The following CCSER1 variants were observed in gnomAD, a reference collection of about 807,000 sequenced individuals.
CCSER1 encodes serine-rich coiled-coil domain-containing protein 1.
CCSER1 carries 41 observed loss-of-function variants against 82.0 expected under a neutral mutation model. The observed-to-expected ratio is 0.50, with a 90% CI of 0.39 to 0.65. The LOEUF (loss-of-function observed/expected upper bound fraction) is 0.65, where lower values mean the gene tolerates loss of function less well. CCSER1 is among the 30% of genes least tolerant of loss of function. The pLI, the probability that CCSER1 is intolerant of heterozygous loss-of-function variation, is 0.00. For missense variants in CCSER1, 1,119 were observed against 1,064.2 expected, an observed-to-expected ratio of 1.05 and a Z score of -0.72; for synonymous variants, 414 against 383.9, an observed-to-expected ratio of 1.08 and a Z score of -0.92.
At chr4:91,173,849 A>T (rs536112950) in intron 10 of CCSER1, among the ~76,000 whole-genome samples, 2 of 152,324 alleles carry the variant, frequency 1.3e-5, no homozygotes, top group South Asian at 4.1e-4. Context: ...GACCTATGTT[A>T]TATTCACTAT....
intron 6 of CCSER1, among the ~76,000 whole-genome samples, chr4:90,665,648 A>G (rs1731632240): frequency 6.6e-6 from 1 of 152,152 alleles, no homozygotes; most frequent in South Asian, 2.1e-4. Flanking sequence ...GGGTAAAGGA[A>G]GTATATTTCC....
chr4:91,040,688 A>G (rs1311604922), intron 9 of CCSER1, among the ~76,000 whole-genome samples: 1 of 152,140 alleles, frequency 6.6e-6, no homozygotes, highest in African/African-American at 2.4e-5. Context: ...ATAACCCAAG[A>G]TTTTCAAACA....
chr4:90,967,903 A>T (rs1734721595), intron 9 of CCSER1, among the ~76,000 whole-genome samples: 2 of 152,092 alleles, frequency 1.3e-5, no homozygotes, highest in Admixed American at 6.5e-5. Context: ...ACACACTGAA[A>T]AAAGTAAGAA....
chr4:91,057,070 C>T (rs1418337830), intron 9 of CCSER1, among the ~76,000 whole-genome samples: 1 of 152,106 alleles, frequency 6.6e-6, no homozygotes, highest in Non-Finnish European at 1.5e-5. Context: ...TCTGCACCTC[C>T]ATGATAAGAA....
chr4:91,450,656 T>C (rs577942002), intron 10 of CCSER1, among the ~76,000 whole-genome samples: 2 of 151,802 alleles, frequency 1.3e-5, no homozygotes, highest in African/African-American at 4.8e-5. Flanking sequence ...GACAGAGTAT[T>C]TGGGGAGTTA....
intron 7 of CCSER1, among the ~76,000 whole-genome samples, chr4:90,800,765 G>T (rs192939089): frequency 6.6e-6 from 1 of 152,110 alleles, no homozygotes; most frequent in Non-Finnish European, 1.5e-5. Context: ...TTTATGTTGT[G>T]TAGTAACTCA....
chr4:90,303,500 A>G (rs1049495932), intron 1 of CCSER1, among the ~76,000 whole-genome samples: 5 of 152,150 alleles, frequency 3.3e-5, no homozygotes, highest in Admixed American at 1.3e-4. Flanking sequence ...AATGCCGCAT[A>G]TCTACAACTA....
At chr4:90,363,761 T>C (rs1045065449) in intron 3 of CCSER1, among the ~76,000 whole-genome samples, 9 of 152,146 alleles carry the variant, frequency 5.9e-5, no homozygotes, top group African/African-American at 2.2e-4. Flanking sequence ...TATTTTTCAG[T>C]AATTGTATCC....
At chr4:91,381,212 A>G (rs1750863349) in intron 10 of CCSER1, among the ~76,000 whole-genome samples, 1 of 151,990 alleles carries the variant, frequency 6.6e-6, no homozygotes, top group South Asian at 2.1e-4. Flanking sequence ...GGTGAATCTG[A>G]CAATTATGTG....
chr4:91,084,122 A>C (rs1723112815), intron 9 of CCSER1, among the ~76,000 whole-genome samples: 1 of 152,036 alleles, frequency 6.6e-6, no homozygotes, highest in South Asian at 2.1e-4. Context: ...TAGTGGAGAC[A>C]GGGTTTCCCT....
chr4:91,005,712 G>A (rs1738444508), intron 9 of CCSER1, among the ~76,000 whole-genome samples: 1 of 152,180 alleles, frequency 6.6e-6, no homozygotes, highest in South Asian at 2.1e-4. Context: ...GGAAATTGGT[G>A]TGCAATGGTA....
At chr4:90,877,370 A>G (rs558074527) in intron 8 of CCSER1, among the ~76,000 whole-genome samples, 1 of 152,204 alleles carries the variant, frequency 6.6e-6, no homozygotes, top group Non-Finnish European at 1.5e-5. Context: ...CACTTTACCT[A>G]TACATGGAAA....
chr4:90,930,851 C>T (rs1013187864), intron 9 of CCSER1, among the ~76,000 whole-genome samples: 37 of 147,002 alleles, frequency 2.5e-4, no homozygotes, highest in African/African-American at 9.2e-4. Context: ...AAAAACATTG[C>T]TTTCCTTTGA....
At chr4:90,420,734 C>G (rs979891281) in intron 4 of CCSER1, among the ~76,000 whole-genome samples, 1 of 151,992 alleles carries the variant, frequency 6.6e-6, no homozygotes, top group Non-Finnish European at 1.5e-5. Flanking sequence ...TTAATGAAGT[C>G]ATAGTATTTA....
At position 90,748,126 on chromosome 4, in the gene CCSER1, G is replaced by A. The variant is rs1199436458; in HGVS notation, c.2010+24135G>A. On this transcript the variant is annotated intron_variant, in intron 7 of 10. Coordinates refer to ENST00000509176, the MANE Select transcript of CCSER1 (RefSeq NM_001145065.2). ...ATGTATACATGTGCCATGCTGGTGCGCTGCACCCACTAACTCGTCATCTAG... is the reference window on the plus strand; with the variant it reads ...ATGTATACATGTGCCATGCTGGTGCACTGCACCCACTAACTCGTCATCTAG... Among the ~76,000 whole-genome samples, 39 of 145,192 alleles carry A rather than the reference G, an allele frequency of 2.7e-4. 1 individual carries two copies. The highest frequency in any genetic ancestry group is 9.2e-4 in the African/African-American group (36 of 39,318).
intron 5 of CCSER1, among the ~76,000 whole-genome samples, chr4:90,547,091 G>A (rs1243654558): frequency 6.6e-6 from 1 of 151,954 alleles, no homozygotes; most frequent in East Asian, 1.9e-4. Context: ...AGGTCAGAAA[G>A]ATAAAACATA....
At chr4:91,557,215 G>T (rs1369913890) in intron 10 of CCSER1, among the ~76,000 whole-genome samples, 2 of 151,306 alleles carry the variant, frequency 1.3e-5, no homozygotes, top group East Asian at 3.9e-4. Context: ...GGAGCTCTTG[G>T]TATCCACGTA....
intron 8 of CCSER1, chr4:90,918,251 C>T (rs767983150): frequency 4.0e-5 from 18 of 455,476 alleles, no homozygotes; most frequent in African/African-American, 8.0e-5. Context: ...AACTACTACA[C>T]GTAGGCCATC....
chr4:90,693,123 C>A (rs1418815685), intron 6 of CCSER1, among the ~76,000 whole-genome samples: 1 of 151,914 alleles, frequency 6.6e-6, no homozygotes. Flanking sequence ...TTCAGAGTGG[C>A]TGAGTCTTCA....
Sources: allele counts gnomAD v4.1 joint callset (sites outside exome capture counted in the v4.1 genomes callset), GRCh38; gene constraint gnomAD v4.1.1; transcripts MANE v1.5; gene names NCBI Gene and HGNC (gene_info 2026-07-23, HGNC 2026-07-21).